Variants in EPDR1 observed in about 807,000 individuals in gnomAD.
EPDR1 encodes mammalian ependymin-related protein 1.
In EPDR1, 27 loss-of-function variants were observed where a neutral mutation model predicts 23.7. The observed-to-expected ratio is 1.14, with a 90% confidence interval of 0.84 to 1.57. The LOEUF is 1.57. Ranked by LOEUF, EPDR1 falls within the 40% of genes most tolerant of loss-of-function variation. The probability of loss-of-function intolerance (pLI) is 0.00; values close to 1 mark genes in which losing one functional copy is unlikely to be tolerated. For synonymous variants in EPDR1, 137 were observed against 118.2 expected, an observed-to-expected ratio of 1.16 and a Z score of -1.03; for missense variants, 349 against 290.4, an observed-to-expected ratio of 1.20 and a Z score of -1.47.
At chr7:37,937,069 A>G (rs964094426) in intron 1 of EPDR1, among the ~76,000 whole-genome samples, 3 of 152,218 alleles carry the variant, frequency 2.0e-5, no homozygotes, top group African/African-American at 7.2e-5. Flanking sequence ...TAGGCAATTC[A>G]GTGGAATAAA....
At chr7:37,945,446 A>G (rs545579484) in intron 1 of EPDR1, among the ~76,000 whole-genome samples, 17 of 152,314 alleles carry the variant, frequency 1.1e-4, no homozygotes, top group African/African-American at 4.1e-4. Flanking sequence ...TGTCATGTTT[A>G]TATTTCCATA....
intron 1 of EPDR1, among the ~76,000 whole-genome samples, chr7:37,923,702 T>C (rs551621835): frequency 6.6e-6 from 1 of 152,154 alleles, no homozygotes; most frequent in East Asian, 1.9e-4. Flanking sequence ...AAAATTAGAC[T>C]TTAGAGTCAG....
At chr7:37,926,647 A>T (rs544410645) in intron 1 of EPDR1, 16 of 453,636 alleles carry the variant, frequency 3.5e-5, no homozygotes, top group African/African-American at 3.0e-4. Context: ...GGTTTGTCTG[A>T]TGTTTCCTCA....
At chr7:37,943,484 CCTAA>C (rs1432841764) in intron 1 of EPDR1, among the ~76,000 whole-genome samples, 2 of 152,166 alleles carry the variant, frequency 1.3e-5, no homozygotes, top group African/African-American at 4.8e-5. Context: ...AGACTTATGT[CCTAA>C]CTGTTAATAT....
chr7:37,921,010 C>T lies in EPDR1; in HGVS notation c.71C>T (p.Ala24Val). The part of the protein sequence containing the change: ...LGAWLLGGLW[A>V]WTLCGLCSLG... ...GCCTGGCTGCTGGGCGGCCTCTGGG[C>T]CTGGACCCTGTGCGGCCTGTGCAGC... The change falls in exon 1 of 3, where the codon GCC (alanine) becomes GTC (valine). Residue 24 changes from alanine (A) to valine (V), a missense_variant. Transcript: ENST00000199448. 6.5e-7 allele frequency: 1 copy of T among 1,527,744 alleles called. No individual in the cohort carries two copies. The highest frequency in any genetic ancestry group is 8.8e-7 in the Non-Finnish European group (1 of 1,141,822). The allele number at this position is 1,527,744 out of a possible 1,614,324, so 94.6% of individuals were successfully genotyped here. A position where few individuals can be genotyped will look rare whatever the true frequency, so the allele number is the denominator to read the frequency against.
chr7:37,936,003 T>TACACAC (rs1236734592), intron 1 of EPDR1, among the ~76,000 whole-genome samples: 3 of 65,470 alleles, frequency 4.6e-5, no homozygotes, highest in Admixed American at 1.4e-4. Flanking sequence ...CATATATATA[T>TACACAC]ATATATATAT....
chr7:37,922,875 T>A (rs1385101938), intron 1 of EPDR1, among the ~76,000 whole-genome samples: 2 of 152,130 alleles, frequency 1.3e-5, no homozygotes, highest in Non-Finnish European at 1.5e-5. Context: ...AAGAACTCAG[T>A]TGGGCACCTA....
intron 1 of EPDR1, among the ~76,000 whole-genome samples, chr7:37,937,178 G>A (rs1786069986): frequency 6.6e-6 from 1 of 152,178 alleles, no homozygotes; most frequent in Non-Finnish European, 1.5e-5. Flanking sequence ...ATTAATCAGT[G>A]TTGTTGGAAC....
intron 1 of EPDR1, among the ~76,000 whole-genome samples, chr7:37,947,486 A>AT (rs1458774651): frequency 5.9e-5 from 9 of 152,218 alleles, no homozygotes; most frequent in African/African-American, 2.2e-4. Context: ...CATTTCTAAC[A>AT]TTTTTTTCCG....
Position 37,950,600 on chromosome 7 carries a change from G to A in EPDR1, c.*204G>A. 1.7e-6 allele frequency: 1 copy of A among 584,780 alleles called. No homozygotes were observed. The highest frequency in any genetic ancestry group is 2.8e-5 in the East Asian group (1 of 35,216). 36.2% of individuals were successfully genotyped at this position (584,780 alleles called of 1,614,324 possible). A position where few individuals can be genotyped will look rare whatever the true frequency, so the allele number is the denominator to read the frequency against. ...AAGAAAATTGAATGGCGAGGGTGTG[G>A]CCATATGAACTGACTAGATGGCTAA... On this transcript the variant is annotated 3_prime_UTR_variant, in exon 3 of 3. Coordinates refer to ENST00000199448, the MANE Select transcript of EPDR1 (RefSeq NM_017549.5).
intron 1 of EPDR1, among the ~76,000 whole-genome samples, chr7:37,935,930 T>G (rs2132009633): frequency 7.0e-6 from 1 of 143,438 alleles, no homozygotes; most frequent in South Asian, 2.2e-4. Flanking sequence ...TCAGCATCAT[T>G]AATATTAACA....
chr7:37,938,153 G>T (rs897551346), intron 1 of EPDR1, among the ~76,000 whole-genome samples: 1 of 151,670 alleles, frequency 6.6e-6, no homozygotes, highest in Non-Finnish European at 1.5e-5. Context: ...ACCATGCCTG[G>T]CTAATTTTTT....
intron 1 of EPDR1, among the ~76,000 whole-genome samples, chr7:37,922,185 G>A (rs552482659): frequency 7.9e-4 from 120 of 152,208 alleles, no homozygotes; most frequent in African/African-American, 2.8e-3. Flanking sequence ...GGTTTGAAAC[G>A]CCAATGGACT....
chr7:37,940,502 G>C (rs1396143055), intron 1 of EPDR1, among the ~76,000 whole-genome samples: 1 of 152,070 alleles, frequency 6.6e-6, no homozygotes, highest in African/African-American at 2.4e-5. Context: ...CAGAGAATAG[G>C]CTTATTCTAA....
At chr7:37,927,674 T>G (rs138181217) in intron 1 of EPDR1, among the ~76,000 whole-genome samples, 1 of 152,350 alleles carries the variant, frequency 6.6e-6, no homozygotes, top group Non-Finnish European at 1.5e-5. Context: ...TCTGTGTGAC[T>G]GGGGGAGGCA....
intron 1 of EPDR1, among the ~76,000 whole-genome samples, chr7:37,929,432 C>T (rs1018497726): frequency 2.0e-5 from 3 of 152,144 alleles, no homozygotes; most frequent in South Asian, 2.1e-4. Flanking sequence ...GTTCTGATGT[C>T]GGAGAAGGCG....
intron 1 of EPDR1, among the ~76,000 whole-genome samples, chr7:37,946,913 TC>T (rs1482921459): frequency 1.3e-5 from 2 of 151,978 alleles, no homozygotes; most frequent in African/African-American, 2.4e-5. Context: ...TACAAAAGAG[TC>T]AAAAAGTTTA....
At chr7:37,949,229 T>C (rs543485276) in intron 2 of EPDR1, among the ~76,000 whole-genome samples, 181 bp downstream of exon 2, 3 of 152,326 alleles carry the variant, frequency 2.0e-5, no homozygotes, top group African/African-American at 4.8e-5. Flanking sequence ...AGCTTCATAT[T>C]TGAAACACCT....
chr7:37,946,255 G>T (rs1786272514), intron 1 of EPDR1, among the ~76,000 whole-genome samples: 1 of 152,158 alleles, frequency 6.6e-6, no homozygotes, highest in South Asian at 2.1e-4. Flanking sequence ...CACAGTAATG[G>T]GATTGGTGGG....
Sources: allele counts gnomAD v4.1 joint callset (sites outside exome capture counted in the v4.1 genomes callset), GRCh38; gene constraint gnomAD v4.1.1; transcripts MANE v1.5; gene names NCBI Gene and HGNC (gene_info 2026-07-23, HGNC 2026-07-21).